EXOC3L2: variants seen among roughly 807,000 people sequenced by gnomAD.
EXOC3L2 encodes the protein exocyst complex component 3 like 2.
In EXOC3L2, 17 loss-of-function variants were observed where a neutral mutation model predicts 44.4. The observed-to-expected ratio is 0.38, with a 90% CI of 0.26 to 0.57. The LOEUF (loss-of-function observed/expected upper bound fraction) is 0.57. Among genes scored for constraint, EXOC3L2 ranks in the 20% least tolerant of loss-of-function variants. The pLI is 0.65. For synonymous variants in EXOC3L2, 256 were observed against 253.7 expected (o/e 1.01, Z -0.09); for missense variants, 541 against 588.4 (o/e 0.92, Z 0.83).
rs752805504 is a variant in EXOC3L2 at position 45,213,325 on chromosome 19, C to T, written c.2153G>A (p.Arg718His). ...GCGGGCGGCTGTGTTGCGCAGGCCA[C>T]GGATGTCGAGGAGGGCTGCCACGTG... is the stretch of plus-strand genomic sequence containing the variant. ...QKHVAALLDI[R>H]GLRNTAARQE... The change falls in exon 12 of 12, where the codon CGT (arginine) becomes CAT (histidine). Residue 718 changes from arginine (R) to histidine (H), a missense_variant. Transcript: ENST00000413988. 3.7e-6 allele frequency: 6 copies of T among 1,613,552 alleles called. No homozygotes were observed. Among genetic ancestry groups the T allele is most frequent in the East Asian group, 2.2e-5 (1 of 44,826 alleles).
Position 45,222,687 on chromosome 19 carries a change from T to C in EXOC3L2, c.1719+2091A>G, listed in dbSNP as rs142986624. ...TTATAAGGCCAGGCACAGTGGCTCA[T>C]GCCTGTAATCCCAGCCTGGGTGACA... On this transcript the variant is annotated intron_variant, in intron 8 of 11. Coordinates refer to ENST00000413988, the MANE Select transcript of EXOC3L2 (RefSeq NM_001382422.1). Among the ~76,000 whole-genome samples the C allele has an allele frequency of 1.7e-3, 253 of 152,300 alleles. 1 individual carries two copies. Among genetic ancestry groups the C allele is most frequent in the Middle Eastern group, 6.8e-3 (2 of 294 alleles).
Position 45,234,861 on chromosome 19 carries a change from G to C in EXOC3L2, c.524-35C>G, listed in dbSNP as rs1406606331. 7 of 389,448 alleles carry C rather than the reference G, an allele frequency of 1.8e-5. No individual in the cohort carries two copies. Among genetic ancestry groups the C allele is most frequent in the Admixed American group, 1.3e-4 (3 of 22,406 alleles). The allele number at this position is 389,448 out of a possible 1,614,324, so 24.1% of individuals were successfully genotyped here. A position where few individuals can be genotyped will look rare whatever the true frequency, so the allele number is the denominator to read the frequency against. Reference sequence around the variant, plus strand: ...CAAAGCGGGAGGTCAGCAGTGCGCGGGGGGGAGGAGGGCGATGCCGGACGC... The same window carrying C: ...CAAAGCGGGAGGTCAGCAGTGCGCGCGGGGGAGGAGGGCGATGCCGGACGC... On this transcript the variant is annotated intron_variant, in intron 2 of 11. Transcript: ENST00000413988. This position sits in a 1 kb window ranked among gnomAD's most constrained non-coding sequence, Gnocchi z 5.0.
At chr19:45,218,167 C>A in intron 9 of EXOC3L2, 30 bp downstream of exon 9, 1 of 1,308,434 alleles carries the variant, frequency 7.6e-7, no homozygotes, top group South Asian at 1.7e-5. Flanking sequence ...TTCCCCCACC[C>A]CCACCTCCCC....
In EXOC3L2 at chr19:45,231,889, G is replaced by A. The variant is rs1433798913; in HGVS notation, c.1158-15C>T. On this transcript the variant is annotated splice_polypyrimidine_tract_variant and intron_variant, in intron 3 of 11. Coordinates refer to ENST00000413988, the MANE Select transcript of EXOC3L2 (RefSeq NM_001382422.1). ...CTAGGACCTCTCTGGGGATGGGGGT[G>A]AGAGAAAAGGAGGTCTGTGAAAAGT... The A allele has an allele frequency of 6.5e-7, 1 of 1,547,652 alleles. No individual in the cohort carries two copies.
intron 1 of EXOC3L2, among the ~76,000 whole-genome samples, chr19:45,243,984 C>T (rs1243323434): frequency 6.6e-6 from 1 of 151,954 alleles, no homozygotes; most frequent in African/African-American, 2.4e-5. Flanking sequence ...AGTGCAGTGG[C>T]ATGGTCTCGG....
intron 2 of EXOC3L2, among the ~76,000 whole-genome samples, chr19:45,237,268 G>C (rs1970091976): frequency 6.6e-6 from 1 of 152,128 alleles, no homozygotes; most frequent in African/African-American, 2.4e-5. Context: ...GAGAAGCTGA[G>C]GCAGGAGGAT....
chr19:45,220,914 C>CA (rs1969889644), intron 8 of EXOC3L2, among the ~76,000 whole-genome samples: 1 of 151,570 alleles, frequency 6.6e-6, no homozygotes, highest in Admixed American at 6.6e-5. Flanking sequence ...GAGGAGAATC[C>CA]AAGTGGTAGA....
intron 9 of EXOC3L2, 135 bp from the exon 10 acceptor site, chr19:45,217,818 C>T: frequency 1.9e-6 from 2 of 1,051,508 alleles, no homozygotes; most frequent in Non-Finnish European, 2.6e-6. Context: ...CCCGTGCCCA[C>T]GCCCCAGTCC....
At position 45,223,712 on chromosome 19, in the gene EXOC3L2, C is replaced by A. The variant is rs191577309; in HGVS notation, c.1719+1066G>T. On this transcript the variant is annotated intron_variant, in intron 8 of 11. Coordinates refer to ENST00000413988, the MANE Select transcript of EXOC3L2 (RefSeq NM_001382422.1). ...GTGACATTTGAGTCAAGACTTGAGGCAGGGCATGGTGGCTCACACCTGTAA... is the reference window on the plus strand; with the variant it reads ...GTGACATTTGAGTCAAGACTTGAGGAAGGGCATGGTGGCTCACACCTGTAA... Among the ~76,000 whole-genome samples, 53 of 150,752 alleles carry A rather than the reference C, an allele frequency of 3.5e-4. 1 individual carries two copies. The East Asian group carries it at 0.011, about 31-fold the overall frequency.
chr19:45,227,881 G>T, intron 6 of EXOC3L2, 93 bp downstream of exon 6: 2 of 1,515,174 alleles, frequency 1.3e-6, no homozygotes, highest in South Asian at 2.4e-5. Context: ...CTGTCCTCAG[G>T]TGACTCCCTC....
intron 8 of EXOC3L2, among the ~76,000 whole-genome samples, chr19:45,219,471 C>A (rs1164650730): frequency 6.6e-6 from 1 of 151,290 alleles, no homozygotes; most frequent in Non-Finnish European, 1.5e-5. Flanking sequence ...ATGCACAGCC[C>A]TTAAGGGAAG....
intron 3 of EXOC3L2, among the ~76,000 whole-genome samples, chr19:45,233,496 T>C (rs887549654): frequency 3.3e-5 from 5 of 152,160 alleles, no homozygotes; most frequent in African/African-American, 9.7e-5. Context: ...TAGGAAGGAA[T>C]GGTCAACAGT....
At position 45,217,524 on chromosome 19, in the gene EXOC3L2, T is replaced by C; in HGVS notation, c.1998+4A>G. 1 of 1,574,662 alleles carries C rather than the reference T, an allele frequency of 6.4e-7. No homozygotes were observed. On this transcript the variant is annotated splice_donor_region_variant and intron_variant, in intron 10 of 11. Coordinates refer to ENST00000413988, the MANE Select transcript of EXOC3L2 (RefSeq NM_001382422.1). ...AACACCCCCAACCGCGTCCCGACAC[T>C]GACCAGCCGCCGGAACAGCCTCTGC... is the stretch of plus-strand genomic sequence containing the variant.
intron 8 of EXOC3L2, among the ~76,000 whole-genome samples, chr19:45,220,747 AG>A (rs2015408793): frequency 6.6e-6 from 1 of 151,902 alleles, no homozygotes; most frequent in Admixed American, 6.6e-5. Context: ...TGAGGGCACT[AG>A]GCAGCCATGG....
rs139986634 is a variant in EXOC3L2, at chr19:45,218,275, C to G, written c.1764G>C (p.Pro588=). 1.2e-6 allele frequency: 2 copies of G among 1,608,766 alleles called. No homozygotes were observed. Among genetic ancestry groups the G allele is most frequent in the East Asian group, 2.2e-5 (1 of 44,822 alleles). Reference sequence around the variant, plus strand: ...TGCCCACGATGCCATCCAGGGCCTCCGGGCTGCTCAGCCACTTCCGGCGCA... The same window carrying G: ...TGCCCACGATGCCATCCAGGGCCTCGGGGCTGCTCAGCCACTTCCGGCGCA... The part of the protein sequence containing the change: ...KLMRRKWLSS[P]EALDGIVGTL... Residue 588 remains proline (P), a synonymous_variant, in exon 9 of 12, where the codon CCG becomes CCC. Coordinates refer to ENST00000413988, the MANE Select transcript of EXOC3L2 (RefSeq NM_001382422.1).
At chr19:45,241,228 C>T (rs912825695) in intron 1 of EXOC3L2, among the ~76,000 whole-genome samples, 9 of 152,024 alleles carry the variant, frequency 5.9e-5, no homozygotes, top group Non-Finnish European at 1.2e-4. Flanking sequence ...CAGTGGCTCA[C>T]GCCTGTAATC....
At chr19:45,218,353 T>TTGCC in intron 8 of EXOC3L2, 34 bp from the exon 9 acceptor site, 4 of 1,494,982 alleles carry the variant, frequency 2.7e-6, no homozygotes, top group Non-Finnish European at 3.6e-6. Context: ...CACGCTCTCC[T>TTGCC]CCCTCCCACC....
chr19:45,231,262 T>C (rs1456433500), intron 4 of EXOC3L2, among the ~76,000 whole-genome samples: 1 of 152,104 alleles, frequency 6.6e-6, no homozygotes, highest in African/African-American at 2.4e-5. Context: ...GCTGGGCCAT[T>C]CTGCTCAGCG....
chr19:45,239,837 T>G (rs1239883434), intron 1 of EXOC3L2, among the ~76,000 whole-genome samples: 1 of 151,982 alleles, frequency 6.6e-6, no homozygotes, highest in Non-Finnish European at 1.5e-5. Context: ...TTCTCTATCT[T>G]AAGTTGATCC....
Sources: gnomAD v4.1 joint callset for allele counts (sites outside exome capture counted in the v4.1 genomes callset) on GRCh38, gnomAD v4.1.1 for gene constraint, Gnocchi (gnomAD v3.1) non-coding constraint, MANE v1.5 for transcripts, NCBI Gene and HGNC (gene_info 2026-07-23, HGNC 2026-07-21) for gene names.